PIK3CA: variants seen among roughly 807,000 people sequenced by gnomAD.
PIK3CA encodes the protein phosphatidylinositol 4,5-bisphosphate 3-kinase catalytic subunit alpha isoform.
In PIK3CA, 27 loss-of-function variants were observed where a neutral mutation model predicts 138.2. That is an observed-to-expected ratio of 0.20 (90% CI 0.14 to 0.27). The LOEUF (loss-of-function observed/expected upper bound fraction) is 0.27. PIK3CA is among the 10% of genes least tolerant of loss of function. The probability of loss-of-function intolerance (pLI) is 1.00; values close to 1 mark genes in which losing one functional copy is unlikely to be tolerated. For synonymous variants in PIK3CA, 358 were observed against 413.2 expected, an observed-to-expected ratio of 0.87 and a Z score of 1.62; for missense variants, 544 against 1,277.4, an observed-to-expected ratio of 0.43 and a Z score of 8.75.
chr3:179,221,301 T>C (rs1193080177), intron 14 of PIK3CA, 144 bp downstream of exon 14: 2 of 611,130 alleles, frequency 3.3e-6, no homozygotes, highest in Non-Finnish European at 5.9e-6. Context: ...CTCAGCTGTG[T>C]AGTGTTAGAC....
At position 179,235,320 on chromosome 3, in the gene PIK3CA, T is replaced by C. The variant is rs1427401350; in HGVS notation, c.*956T>C. On this transcript the variant is annotated 3_prime_UTR_variant, in exon 21 of 21. Coordinates refer to ENST00000263967, the MANE Select transcript of PIK3CA (RefSeq NM_006218.4). Reference sequence around the variant, plus strand: ...TTTTTATTAAAGGCTATTTATATTATAGAAACTATCATTAATATATATTCT... The same window carrying C: ...TTTTTATTAAAGGCTATTTATATTACAGAAACTATCATTAATATATATTCT... 1 of 178,504 alleles carries C rather than the reference T, an allele frequency of 5.6e-6. No homozygotes were observed. The highest frequency in any genetic ancestry group is 1.2e-5 in the Non-Finnish European group (1 of 83,374). 11.1% of individuals were successfully genotyped at this position (178,504 alleles called of 1,614,324 possible).
At chr3:179,202,361 C>G in intron 4 of PIK3CA, among the ~76,000 whole-genome samples, 1 of 152,186 alleles carries the variant, frequency 6.6e-6, no homozygotes, top group East Asian at 1.9e-4. Context: ...TGAGCCATTG[C>G]GCCCAGCCTA....
At chr3:179,214,479 A>G (rs79067775) in intron 9 of PIK3CA, among the ~76,000 whole-genome samples, 7,673 of 152,202 alleles carry the variant, frequency 0.05, 255 homozygotes, top group Middle Eastern at 0.19. Flanking sequence ...TAAGTTCACC[A>G]TCTTAATTGG....
intron 1 of PIK3CA, among the ~76,000 whole-genome samples, chr3:179,176,756 C>T (rs549612774): frequency 8.5e-4 from 130 of 152,244 alleles, no homozygotes; most frequent in Admixed American, 2.6e-3. Context: ...TTTTTGCTTT[C>T]ATGAATATTG....
chr3:179,174,833 T>G (rs1368087618), intron 1 of PIK3CA, among the ~76,000 whole-genome samples: 2 of 152,176 alleles, frequency 1.3e-5, no homozygotes, highest in Non-Finnish European at 2.9e-5. Context: ...ACAACTTTCT[T>G]GTTGTTTTTT....
intron 1 of PIK3CA, among the ~76,000 whole-genome samples, chr3:179,186,452 A>G (rs1723984126): frequency 6.6e-6 from 1 of 152,232 alleles, no homozygotes; most frequent in Non-Finnish European, 1.5e-5. Flanking sequence ...TTGAAGAAAA[A>G]GAGAGGAGAG....
chr3:179,150,053 G>C (rs1722971635), intron 1 of PIK3CA, among the ~76,000 whole-genome samples: 1 of 150,508 alleles, frequency 6.6e-6, no homozygotes, highest in Non-Finnish European at 1.5e-5. Context: ...ACTGAGGTCC[G>C]ATTGACAGCA....
At chr3:179,208,694 G>A (rs1282881561) in intron 6 of PIK3CA, among the ~76,000 whole-genome samples, 1 of 151,824 alleles carries the variant, frequency 6.6e-6, no homozygotes, top group African/African-American at 2.4e-5. Flanking sequence ...GTAAATTGAG[G>A]GAATTTATCA....
At chr3:179,213,324 AGT>A (rs755097706) in intron 9 of PIK3CA, among the ~76,000 whole-genome samples, 3 of 152,220 alleles carry the variant, frequency 2.0e-5, no homozygotes, top group Admixed American at 6.5e-5. Flanking sequence ...TCATCTGTAA[AGT>A]GTGTAATAGT....
intron 9 of PIK3CA, among the ~76,000 whole-genome samples, chr3:179,212,870 A>G (rs1204592010): frequency 6.6e-6 from 1 of 152,242 alleles, no homozygotes; most frequent in Non-Finnish European, 1.5e-5. Context: ...TATAATGTAT[A>G]GTACATATAC....
intron 18 of PIK3CA, 126 bp downstream of exon 18, chr3:179,229,568 C>A: frequency 3.3e-6 from 2 of 597,998 alleles, no homozygotes; most frequent in South Asian, 3.2e-5. Context: ...AAAAAATATG[C>A]TCAACCTTTG....
intron 1 of PIK3CA, among the ~76,000 whole-genome samples, chr3:179,165,338 A>G (rs905421612): frequency 6.6e-6 from 1 of 152,200 alleles, no homozygotes; most frequent in African/African-American, 2.4e-5. Flanking sequence ...CAAATTATCC[A>G]GACCCTAGAA....
At position 179,213,324 on chromosome 3, in the gene PIK3CA, A is replaced by G. The variant is rs1576940282; in HGVS notation, c.1539+2759A>G. On this transcript the variant is annotated intron_variant, in intron 9 of 20. Coordinates refer to ENST00000263967, the MANE Select transcript of PIK3CA (RefSeq NM_006218.4). ...GTTCACATTATACTGTCATCTGTAA[A>G]GTGTGTAATAGTCTGTCATCTGTAA... Among the ~76,000 whole-genome samples the G allele has an allele frequency of 2.6e-5, 4 of 152,338 alleles. No individual in the cohort carries two copies. The South Asian group carries it at 6.2e-4, about 24-fold the overall frequency.
intron 1 of PIK3CA, among the ~76,000 whole-genome samples, chr3:179,167,174 G>A (rs926121589): frequency 1.3e-5 from 2 of 152,064 alleles, no homozygotes; most frequent in Non-Finnish European, 2.9e-5. Flanking sequence ...GTATTAAGCT[G>A]AAATATACAC....
At chr3:179,200,825 C>G (rs930383781) in intron 3 of PIK3CA, among the ~76,000 whole-genome samples, 2 of 152,162 alleles carry the variant, frequency 1.3e-5, no homozygotes, top group African/African-American at 4.8e-5. Context: ...TGCATTTCCT[C>G]TCCCCTCGTA....
At chr3:179,173,428 A>C (rs1005527601) in intron 1 of PIK3CA, among the ~76,000 whole-genome samples, 1 of 145,396 alleles carries the variant, frequency 6.9e-6, no homozygotes, top group Non-Finnish European at 1.5e-5. Flanking sequence ...AAAAAAAAAA[A>C]CTTAGCCAGG....
chr3:179,163,280 G>C (rs1723330953), intron 1 of PIK3CA, among the ~76,000 whole-genome samples: 1 of 152,084 alleles, frequency 6.6e-6, no homozygotes, highest in Admixed American at 6.5e-5. Flanking sequence ...ATTTTAAAAA[G>C]ACATTTATGT....
At chr3:179,166,714 G>GT (rs1479297518) in intron 1 of PIK3CA, among the ~76,000 whole-genome samples, 4 of 152,198 alleles carry the variant, frequency 2.6e-5, no homozygotes, top group Non-Finnish European at 5.9e-5. Context: ...ATATATGTGT[G>GT]TAAGTATTCA....
chr3:179,161,108 GAGGCTC>G (rs1405283394), intron 1 of PIK3CA, among the ~76,000 whole-genome samples: 2 of 152,150 alleles, frequency 1.3e-5, no homozygotes, highest in Admixed American at 6.5e-5. Flanking sequence ...AATGGCACAG[GAGGCTC>G]AGGGTACACT....
Sources: gnomAD v4.1 joint callset for allele counts (sites outside exome capture counted in the v4.1 genomes callset) on GRCh38, gnomAD v4.1.1 for gene constraint, MANE v1.5 for transcripts, NCBI Gene and HGNC (gene_info 2026-07-23, HGNC 2026-07-21) for gene names.